Variants in SLC44A3 observed in about 807,000 individuals in gnomAD.
SLC44A3 encodes the protein solute carrier family 44 member 3, also known as choline transporter-like protein 3.
SLC44A3 carries 74 observed loss-of-function variants against 75.4 expected under a neutral mutation model. The ratio of observed to expected loss-of-function variants is 0.98; its 90% confidence interval spans 0.81 to 1.19. The LOEUF is 1.19. Ranked by LOEUF, SLC44A3 falls within the 50% of genes most tolerant of loss-of-function variation. SLC44A3 has a pLI of 0.00. For synonymous variants in SLC44A3, 310 were observed against 296.9 expected, an observed-to-expected ratio of 1.04 and a Z score of -0.45; for missense variants, 700 against 778.6, an observed-to-expected ratio of 0.90 and a Z score of 1.20.
intron 9 of SLC44A3, among the ~76,000 whole-genome samples, chr1:94,846,104 G>A (rs1438236058): frequency 4.8e-5 from 7 of 145,100 alleles, no homozygotes; most frequent in African/African-American, 1.3e-4. Flanking sequence ...CCGAGATTGC[G>A]CCACTGCACT....
intron 12 of SLC44A3, among the ~76,000 whole-genome samples, chr1:94,883,118 G>C (rs1402946471): frequency 6.6e-6 from 1 of 151,602 alleles, no homozygotes; most frequent in East Asian, 1.9e-4. Flanking sequence ...GGAACCGCAA[G>C]GGCCTTCCAG....
At chr1:94,846,690 T>G (rs1299968379) in intron 9 of SLC44A3, among the ~76,000 whole-genome samples, 1 of 152,266 alleles carries the variant, frequency 6.6e-6, no homozygotes, top group African/African-American at 2.4e-5. Context: ...TTTGATTTTC[T>G]TAAGGCCCAA....
chr1:94,851,238 AT>A (rs1470034142), intron 9 of SLC44A3, among the ~76,000 whole-genome samples: 2 of 151,914 alleles, frequency 1.3e-5, no homozygotes, highest in East Asian at 1.9e-4. Context: ...TTTCTCCTCC[AT>A]TTTTTTCCTT....
intron 9 of SLC44A3, among the ~76,000 whole-genome samples, chr1:94,851,955 A>G (rs908171026): frequency 6.6e-6 from 1 of 152,254 alleles, no homozygotes; most frequent in African/African-American, 2.4e-5. Context: ...AAAGCTTGCT[A>G]ATAATATCCA....
At chr1:94,840,944 C>A (rs1331477015) in intron 7 of SLC44A3, among the ~76,000 whole-genome samples, 1 of 152,206 alleles carries the variant, frequency 6.6e-6, no homozygotes, top group Non-Finnish European at 1.5e-5. Flanking sequence ...CATTTACCAA[C>A]TGGTGTGGGG....
At chr1:94,834,635 C>T (rs2101002516) in intron 5 of SLC44A3, among the ~76,000 whole-genome samples, 1 of 152,220 alleles carries the variant, frequency 6.6e-6, no homozygotes, top group African/African-American at 2.4e-5. Context: ...CAGGCACCCA[C>T]CACGACACCT....
chr1:94,859,702 T>C (rs9432594), intron 10 of SLC44A3, among the ~76,000 whole-genome samples: 16,158 of 152,192 alleles, frequency 0.11, 1,021 homozygotes, highest in Middle Eastern at 0.19. Flanking sequence ...CAGGTACAGC[T>C]GAGGCTGGGG....
At chr1:94,874,971 A>T (rs997886665) in intron 12 of SLC44A3, among the ~76,000 whole-genome samples, 4 of 152,222 alleles carry the variant, frequency 2.6e-5, no homozygotes, top group Admixed American at 6.5e-5. Context: ...AAATCATCTG[A>T]TTGGAAAACT....
At chr1:94,882,987 T>C (rs932950218) in intron 12 of SLC44A3, among the ~76,000 whole-genome samples, 1 of 150,968 alleles carries the variant, frequency 6.6e-6, no homozygotes, top group African/African-American at 2.4e-5. Context: ...AGAAATATTA[T>C]TCAGAAGACA....
chr1:94,874,796 C>G (rs1259762974), intron 12 of SLC44A3, among the ~76,000 whole-genome samples: 1 of 152,160 alleles, frequency 6.6e-6, no homozygotes, highest in Non-Finnish European at 1.5e-5. Flanking sequence ...GTTCAGAGAG[C>G]TTAAGTAGTA....
rs771732659 is a variant in SLC44A3, at chr1:94,867,418, G to T, written c.1482+1G>T. ...CAAATACCTGCTCCATCTCAACCAG[G>T]TACGTCTCTACCTCTTGCCTCAGGA... is the stretch of plus-strand genomic sequence containing the variant. On this transcript the variant is annotated splice_donor_variant, in intron 12 of 14. Coordinates refer to ENST00000271227, the MANE Select transcript of SLC44A3 (RefSeq NM_001114106.3). LOFTEE classifies it high-confidence loss of function. 1.2e-6 allele frequency: 2 copies of T among 1,604,002 alleles called. No homozygotes were observed. The highest frequency in any genetic ancestry group is 2.2e-5 in the South Asian group (2 of 89,452).
chr1:94,824,564 C>G lies in SLC44A3; in HGVS notation c.207C>G (p.Gly69=), dbSNP rs550887867. The G allele has an allele frequency of 1.2e-5, 19 of 1,613,076 alleles. 1 individual carries two copies. The South Asian group carries it at 2.1e-4, about 18-fold the overall frequency. The stretch of plus-strand genomic sequence containing the variant: ...TCCTCTTTGGCTATGACAGCTTTGG[C>G]AACATGTGTGGCAAGAAGAACTCCC... ...GRLLFGYDSF[G]NMCGKKNSPV... The change falls in exon 3 of 15, where the codon GGC becomes GGG. Residue 69 remains glycine (G), a synonymous_variant. Transcript: ENST00000271227.
chr1:94,843,881 G>C (rs6694343), intron 8 of SLC44A3, among the ~76,000 whole-genome samples: 4 of 150,220 alleles, frequency 2.7e-5, no homozygotes, highest in African/African-American at 9.9e-5. Context: ...GGCGGGGTGG[G>C]GGGGGTGGTC....
intron 9 of SLC44A3, among the ~76,000 whole-genome samples, chr1:94,854,133 A>T (rs904316838): frequency 2.0e-5 from 3 of 152,176 alleles, no homozygotes; most frequent in Non-Finnish European, 4.4e-5. Context: ...CGAGATCACC[A>T]AGGGTGTGAG....
At chr1:94,882,223 T>C (rs1323428927) in intron 12 of SLC44A3, among the ~76,000 whole-genome samples, 2 of 152,304 alleles carry the variant, frequency 1.3e-5, no homozygotes, top group East Asian at 3.9e-4. Context: ...ATGAAGAGCA[T>C]GTCCAGGGTG....
chr1:94,830,543 G>A (rs1031165315), intron 5 of SLC44A3, among the ~76,000 whole-genome samples: 2 of 152,204 alleles, frequency 1.3e-5, no homozygotes, highest in Admixed American at 6.5e-5. Context: ...TCTGGTAATT[G>A]TAAATGTGTT....
chr1:94,893,142 C>T (rs545696720), intron 14 of SLC44A3, among the ~76,000 whole-genome samples: 5 of 152,340 alleles, frequency 3.3e-5, no homozygotes, highest in African/African-American at 1.2e-4. Flanking sequence ...CCTGGGTAGA[C>T]AGGGATATTT....
At chr1:94,827,381 A>G in intron 3 of SLC44A3, 126 bp from the exon 4 acceptor site, 3 of 1,231,642 alleles carry the variant, frequency 2.4e-6, no homozygotes, top group South Asian at 2.8e-5. Context: ...TTATGCTGAA[A>G]CAATTATGAA....
chr1:94,853,365 T>G (rs1194802344), intron 9 of SLC44A3, among the ~76,000 whole-genome samples: 1 of 152,024 alleles, frequency 6.6e-6, no homozygotes, highest in Non-Finnish European at 1.5e-5. Flanking sequence ...GTATAGACAA[T>G]CTTGAGGAAT....
Sources: gnomAD v4.1 joint callset for allele counts (sites outside exome capture counted in the v4.1 genomes callset) on GRCh38, gnomAD v4.1.1 for gene constraint, MANE v1.5 for transcripts, NCBI Gene and HGNC (gene_info 2026-07-23, HGNC 2026-07-21) for gene names.